Variants in TJP1 observed in about 807,000 individuals in gnomAD.
TJP1 encodes the protein tight junction protein 1, also known as tight junction protein ZO-1.
TJP1 carries 43 observed loss-of-function variants against 194.2 expected under a neutral mutation model. That is an observed-to-expected ratio of 0.22 (90% CI 0.17 to 0.29). The LOEUF is 0.29. Ranked by LOEUF, TJP1 falls within the 10% of genes least tolerant of loss-of-function variation. The pLI is 1.00. For missense variants in TJP1, 1,971 were observed against 2,185.7 expected (o/e 0.90, Z 1.96); for synonymous variants, 801 against 779.0 (o/e 1.03, Z -0.47).
At chr15:29,726,344 T>C in intron 18 of TJP1, 35 bp downstream of exon 18, 1 of 1,533,254 alleles carries the variant, frequency 6.5e-7, no homozygotes, top group Non-Finnish European at 9.0e-7. Context: ...CATAATTTAC[T>C]GAACAAGTCA....
chr15:29,760,274 T>A (rs2045916631), intron 8 of TJP1: 1 of 702,242 alleles, frequency 1.4e-6, no homozygotes, highest in Non-Finnish European at 2.6e-6. Flanking sequence ...AGAAGGATCA[T>A]AATTTTCTTC....
At chr15:29,918,191 T>C (rs1567195358) in intron 2 of TJP1, among the ~76,000 whole-genome samples, 1 of 152,234 alleles carries the variant, frequency 6.6e-6, no homozygotes, top group African/African-American at 2.4e-5. Flanking sequence ...TACCACTCTA[T>C]AGTATGAATA....
At position 29,761,646 on chromosome 15, in the gene TJP1, C is replaced by T. The variant is rs1214279042; in HGVS notation, c.817G>A (p.Asp273Asn). The change falls in exon 7 of 28, where the codon GAT becomes AAT. Residue 273 changes from aspartate to asparagine, a missense_variant. Asp to Asn is a conservative substitution (Grantham distance 23, BLOSUM62 1). Transcript: ENST00000614355. Reference protein sequence around the residue: ...DERATLLNVPDLSDSIHSANA... With the variant: ...DERATLLNVPNLSDSIHSANA... ...GCAGAGTGGATGCTGTCAGAAAGAT[C>T]AGGGACATTCAATAGCGTAGCCCGT... 6.2e-6 allele frequency: 10 copies of T among 1,609,786 alleles called. No homozygotes were observed. Among genetic ancestry groups the T allele is most frequent in the South Asian group, 1.1e-5 (1 of 90,772 alleles).
At chr15:29,744,283 T>C (rs1745657613) in intron 8 of TJP1, among the ~76,000 whole-genome samples, 1 of 152,172 alleles carries the variant, frequency 6.6e-6, no homozygotes, top group Non-Finnish European at 1.5e-5. Context: ...ATGGTAAAAG[T>C]GTATGACTAT....
chr15:29,869,077 A>G (rs993826894), intron 2 of TJP1, among the ~76,000 whole-genome samples: 1 of 152,230 alleles, frequency 6.6e-6, no homozygotes, highest in African/African-American at 2.4e-5. Context: ...TGTTTCATGC[A>G]ACTAGGTAAC....
chr15:29,919,756 C>T (rs1295672966), intron 2 of TJP1, among the ~76,000 whole-genome samples: 1 of 152,190 alleles, frequency 6.6e-6, no homozygotes, highest in Non-Finnish European at 1.5e-5. Context: ...CTCCAATGGA[C>T]AAGATTTTCT....
chr15:29,819,481 G>A (rs1270348991), intron 1 of TJP1, among the ~76,000 whole-genome samples: 1 of 152,160 alleles, frequency 6.6e-6, no homozygotes, highest in African/African-American at 2.4e-5. Flanking sequence ...CAATAATACT[G>A]ATGATCATAA....
intron 2 of TJP1, among the ~76,000 whole-genome samples, chr15:29,890,546 G>A (rs1026250974): frequency 5.3e-5 from 8 of 152,162 alleles, no homozygotes; most frequent in Non-Finnish European, 1.2e-4. Flanking sequence ...CCAGAGGAAT[G>A]TTTCTCGGTT....
At chr15:29,869,963 C>G (rs952190116) in intron 2 of TJP1, among the ~76,000 whole-genome samples, 3 of 151,736 alleles carry the variant, frequency 2.0e-5, no homozygotes, top group Non-Finnish European at 2.9e-5. Flanking sequence ...CCCACCACCA[C>G]GTCTGGCTAA....
rs1009608706 is a variant in TJP1, at chr15:29,821,993, G to C, written c.27+9C>G. ...CCGGTCTGGCCCTGGCGGCCGCGGA[G>C]GCGCTCACCTTGGCGGCCGCAGCTC... On this transcript the variant is annotated intron_variant, in intron 1 of 27. Transcript: ENST00000614355. 4 of 1,326,250 alleles carry C rather than the reference G, an allele frequency of 3.0e-6. No homozygotes were observed. In the East Asian group the frequency reaches 1.2e-4, roughly 41 times the overall value. The allele number at this position is 1,326,250 out of a possible 1,614,324, so 82.2% of individuals were successfully genotyped here.
rs547422624 is a variant in TJP1 at position 29,719,293 on chromosome 15, G to A, written c.3004-155C>T. 3.9e-5 allele frequency among the ~76,000 whole-genome samples: 6 copies of A among 152,190 alleles called. No homozygotes were observed. The South Asian group carries it at 6.2e-4, about 16-fold the overall frequency. On this transcript the variant is annotated intron_variant, in intron 20 of 27. Coordinates refer to ENST00000614355, the MANE Select transcript of TJP1 (RefSeq NM_001330239.4). ...ATAGACAAGATTAGTGGAAAAAGCT[G>A]GTTTAAGTGAAAGCTCAAAATTTAT...
At chr15:29,924,386 T>G (rs2054461105) in intron 2 of TJP1, among the ~76,000 whole-genome samples, 2 of 152,082 alleles carry the variant, frequency 1.3e-5, no homozygotes, top group Non-Finnish European at 2.9e-5. Context: ...TTTTTATAAT[T>G]GGAAAAAACT....
At chr15:29,870,331 A>T (rs1387126007) in intron 2 of TJP1, among the ~76,000 whole-genome samples, 2 of 152,208 alleles carry the variant, frequency 1.3e-5, no homozygotes, top group Non-Finnish European at 2.9e-5. Flanking sequence ...GGGATCCAAG[A>T]GTTTAGAATA....
intron 2 of TJP1, among the ~76,000 whole-genome samples, chr15:29,928,373 G>A (rs1248735916): frequency 2.0e-5 from 3 of 152,144 alleles, no homozygotes; most frequent in Non-Finnish European, 4.4e-5. Context: ...TTTTTTAAGT[G>A]ACAACGACAA....
chr15:29,858,632 C>T (rs1215902447), intron 2 of TJP1, among the ~76,000 whole-genome samples: 3 of 152,012 alleles, frequency 2.0e-5, no homozygotes, highest in Non-Finnish European at 4.4e-5. Flanking sequence ...CAGCCTCAAC[C>T]TCCCAGGCTC....
At chr15:29,831,723 A>C (rs2050842771) in intron 2 of TJP1, among the ~76,000 whole-genome samples, 1 of 152,234 alleles carries the variant, frequency 6.6e-6, no homozygotes, top group South Asian at 2.1e-4. Flanking sequence ...TAGATGTGAC[A>C]ATGGCATCAT....
At chr15:29,747,476 AAT>A (rs1391599728) in intron 8 of TJP1, among the ~76,000 whole-genome samples, 8 of 152,136 alleles carry the variant, frequency 5.3e-5, no homozygotes, top group African/African-American at 1.2e-4. Flanking sequence ...TGCATTAAAA[AAT>A]ATGATTAATA....
intron 2 of TJP1, among the ~76,000 whole-genome samples, chr15:29,798,298 A>T (rs1197186087): frequency 2.0e-5 from 3 of 150,076 alleles, no homozygotes; most frequent in Non-Finnish European, 4.4e-5. Context: ...TTTCTTTCTA[A>T]ATCTGACAAT....
intron 15 of TJP1, among the ~76,000 whole-genome samples, chr15:29,731,724 T>C (rs549359943): frequency 1.1e-4 from 17 of 152,108 alleles, no homozygotes; most frequent in East Asian, 1.9e-4. Flanking sequence ...CTGTTAACGA[T>C]TGTCTGCCCA....
Sources: gnomAD v4.1 joint callset for allele counts (sites outside exome capture counted in the v4.1 genomes callset) on GRCh38, gnomAD v4.1.1 for gene constraint, MANE v1.5 for transcripts, NCBI Gene and HGNC (gene_info 2026-07-23, HGNC 2026-07-21) for gene names.